GABRB2: variants seen among roughly 807,000 people sequenced by gnomAD.
GABRB2 encodes gamma-aminobutyric acid receptor subunit beta-2.
Under a neutral mutation model 54.7 loss-of-function variants are expected in GABRB2, and 16 were observed. The observed-to-expected ratio is 0.29, with a 90% confidence interval of 0.20 to 0.44. The LOEUF (loss-of-function observed/expected upper bound fraction) is 0.44. Ranked by LOEUF, GABRB2 falls within the 20% of genes least tolerant of loss-of-function variation. The pLI, the probability that GABRB2 is intolerant of heterozygous loss-of-function variation, is 1.00. For synonymous variants in GABRB2, 244 were observed against 233.8 expected (o/e 1.04, Z -0.40); for missense variants, 355 against 644.0 (o/e 0.55, Z 4.86).
intron 3 of GABRB2, among the ~76,000 whole-genome samples, chr5:161,486,176 T>G (rs1758916622): frequency 6.6e-6 from 1 of 151,922 alleles, no homozygotes; most frequent in Admixed American, 6.6e-5. Context: ...GGGTCTACAC[T>G]GAACTTTGAA....
chr5:161,458,449 A>C (rs970233510), intron 4 of GABRB2, among the ~76,000 whole-genome samples: 1 of 152,204 alleles, frequency 6.6e-6, no homozygotes, highest in Non-Finnish European at 1.5e-5. Context: ...TTGAAGGCCA[A>C]ATGCCTTTTT....
chr5:161,324,533 G>T (rs1430427612), intron 9 of GABRB2, among the ~76,000 whole-genome samples: 1 of 152,094 alleles, frequency 6.6e-6, no homozygotes, highest in African/African-American at 2.4e-5. Context: ...AGGAATTAAA[G>T]CTTGGAAAGG....
chr5:161,384,209 C>G (rs1303979786), intron 5 of GABRB2, among the ~76,000 whole-genome samples: 2 of 152,176 alleles, frequency 1.3e-5, no homozygotes, highest in Non-Finnish European at 2.9e-5. Context: ...ATTAATAATT[C>G]AAAAGATGAG....
At chr5:161,453,169 C>A (rs2113242843) in intron 4 of GABRB2, among the ~76,000 whole-genome samples, 1 of 152,280 alleles carries the variant, frequency 6.6e-6, no homozygotes, top group East Asian at 1.9e-4. Flanking sequence ...TCTTTTGTTG[C>A]CACATCTACA....
intron 4 of GABRB2, among the ~76,000 whole-genome samples, chr5:161,454,374 T>G (rs1757886136): frequency 1.3e-5 from 2 of 152,168 alleles, no homozygotes; most frequent in African/African-American, 2.4e-5. Context: ...CAACACTGTT[T>G]GACAATCCTT....
Position 161,291,543 on chromosome 5 carries a change from G to C in GABRB2, c.*2538C>G, listed in dbSNP as rs573162654. 1.3e-5 allele frequency: 2 copies of C among 152,384 alleles called. No homozygotes were observed. The highest frequency in any genetic ancestry group is 4.2e-4 in the South Asian group (2 of 4,814). 9.4% of individuals were successfully genotyped at this position (152,384 alleles called of 1,614,324 possible). On this transcript the variant is annotated 3_prime_UTR_variant, in exon 10 of 10. Transcript: ENST00000393959. The stretch of plus-strand genomic sequence containing the variant: ...GTGCCAATGTATGCTTTTTACTCTA[G>C]GGCATTGCTTCTAAGGTCCCATCTT...
chr5:161,385,265 C>T (rs1755589236), intron 5 of GABRB2, among the ~76,000 whole-genome samples: 2 of 152,206 alleles, frequency 1.3e-5, no homozygotes, highest in Non-Finnish European at 2.9e-5. Context: ...CCACTGAATT[C>T]TAGCACATCA....
chr5:161,470,414 A>G (rs1758404495), intron 3 of GABRB2, among the ~76,000 whole-genome samples: 1 of 152,026 alleles, frequency 6.6e-6, no homozygotes, highest in African/African-American at 2.4e-5. Context: ...AGTTTAAATT[A>G]TAAGTCTGGC....
chr5:161,545,740 G>C (rs967755211), intron 2 of GABRB2, among the ~76,000 whole-genome samples: 2 of 151,930 alleles, frequency 1.3e-5, no homozygotes, highest in Non-Finnish European at 2.9e-5. Context: ...CATATCTAGG[G>C]CTGCAGCCAG....
At chr5:161,376,871 A>T (rs1755320291) in intron 5 of GABRB2, among the ~76,000 whole-genome samples, 1 of 152,102 alleles carries the variant, frequency 6.6e-6, no homozygotes, top group African/African-American at 2.4e-5. Context: ...TGCATTTTAA[A>T]ATGTTTGAAA....
intron 9 of GABRB2, among the ~76,000 whole-genome samples, chr5:161,323,107 C>T (rs1758260390): frequency 6.6e-6 from 1 of 151,520 alleles, no homozygotes; most frequent in South Asian, 2.1e-4. Flanking sequence ...TCACTGCAAC[C>T]TCCACCCCAT....
At chr5:161,525,628 T>C (rs887423739) in intron 3 of GABRB2, among the ~76,000 whole-genome samples, 2 of 151,360 alleles carry the variant, frequency 1.3e-5, no homozygotes, top group African/African-American at 4.8e-5. Context: ...ATTTGAAATG[T>C]ATATTTAGTA....
Position 161,408,753 on chromosome 5 carries a change from A to C in GABRB2, c.541+2222T>G, listed in dbSNP as rs998196594. 2.0e-5 allele frequency among the ~76,000 whole-genome samples: 3 copies of C among 151,916 alleles called. 1 individual carries two copies. The highest frequency in any genetic ancestry group is 7.2e-5 in the African/African-American group (3 of 41,394). On this transcript the variant is annotated intron_variant, in intron 5 of 9. Transcript: ENST00000393959. The stretch of plus-strand genomic sequence containing the variant: ...AAGGAGGAAGGAGAAGGACAGAGAG[A>C]AGGATAAAGAGAGAGATGAGGGGAG...
At chr5:161,546,224 A>G in intron 2 of GABRB2, 98 bp downstream of exon 2, 3 of 899,626 alleles carry the variant, frequency 3.3e-6, no homozygotes, top group Non-Finnish European at 3.7e-6. Context: ...TCAGGACACC[A>G]CATGCACCCA....
intron 9 of GABRB2, among the ~76,000 whole-genome samples, chr5:161,310,993 C>T (rs1757850756): frequency 6.6e-6 from 1 of 152,136 alleles, no homozygotes; most frequent in Non-Finnish European, 1.5e-5. Flanking sequence ...ATCTCCTCAC[C>T]TCGTGATCTG....
At chr5:161,369,958 C>T (rs557921923) in intron 5 of GABRB2, among the ~76,000 whole-genome samples, 1 of 152,186 alleles carries the variant, frequency 6.6e-6, no homozygotes, top group East Asian at 1.9e-4. Context: ...CTCTGCTTGC[C>T]AGGCTCCTCC....
At chr5:161,457,991 A>G (rs549626727) in intron 4 of GABRB2, among the ~76,000 whole-genome samples, 20 of 152,282 alleles carry the variant, frequency 1.3e-4, no homozygotes, top group African/African-American at 4.8e-4. Context: ...GATATGATGG[A>G]CAAAATGCAT....
At chr5:161,477,952 T>C (rs191185197) in intron 3 of GABRB2, among the ~76,000 whole-genome samples, 47 of 152,138 alleles carry the variant, frequency 3.1e-4, no homozygotes, top group African/African-American at 1.1e-3. Flanking sequence ...ATTAGGGACA[T>C]TCGTTAATTA....
intron 3 of GABRB2, among the ~76,000 whole-genome samples, chr5:161,541,497 T>C (rs1309268731): frequency 6.6e-6 from 1 of 152,236 alleles, no homozygotes; most frequent in Non-Finnish European, 1.5e-5. Flanking sequence ...TTGTGCAGAA[T>C]AGCCAGCCAT....
Sources: allele counts gnomAD v4.1 joint callset (sites outside exome capture counted in the v4.1 genomes callset), GRCh38; gene constraint gnomAD v4.1.1; transcripts MANE v1.5; gene names NCBI Gene and HGNC (gene_info 2026-07-23, HGNC 2026-07-21).